Variants in OSBPL1A observed in about 807,000 individuals in gnomAD.
OSBPL1A encodes oxysterol-binding protein-related protein 1.
A neutral mutation model predicts 137.1 loss-of-function variants in OSBPL1A; 80 were observed. The observed-to-expected ratio is 0.58, with a 90% CI of 0.49 to 0.70. The LOEUF (loss-of-function observed/expected upper bound fraction) is 0.70, where lower values mean the gene tolerates loss of function less well. Ranked by LOEUF, OSBPL1A falls within the 30% of genes least tolerant of loss-of-function variation. The probability of loss-of-function intolerance (pLI) is 0.00; values close to 1 mark genes in which losing one functional copy is unlikely to be tolerated. For missense variants in OSBPL1A, 970 were observed against 1,129.4 expected, an observed-to-expected ratio of 0.86 and a Z score of 2.02; for synonymous variants, 365 against 389.7, an observed-to-expected ratio of 0.94 and a Z score of 0.75.
chr18:24,234,356 C>T (rs116310352), intron 16 of OSBPL1A, among the ~76,000 whole-genome samples: 44 of 152,238 alleles, frequency 2.9e-4, no homozygotes, highest in African/African-American at 9.4e-4. Context: ...CACCCACACA[C>T]GCAATGAGGA....
rs571205983 is a variant in OSBPL1A, at chr18:24,383,550, G to C, written c.-2-6015C>G. 4.6e-5 allele frequency among the ~76,000 whole-genome samples: 7 copies of C among 152,332 alleles called. No homozygotes were observed. The East Asian group carries it at 1.2e-3, about 25-fold the overall frequency. On this transcript the variant is annotated intron_variant, in intron 1 of 27. Transcript: ENST00000319481. ...ACACAGGCGGATCACAAGGTCAAAA[G>C]ATCAACTTGATCCTGCCCAACATGG...
At chr18:24,194,862 G>A (rs2086981112) in intron 18 of OSBPL1A, among the ~76,000 whole-genome samples, 1 of 152,118 alleles carries the variant, frequency 6.6e-6, no homozygotes, top group Admixed American at 6.5e-5. Context: ...CACATTATCA[G>A]GCTCCGAAAT....
intron 18 of OSBPL1A, among the ~76,000 whole-genome samples, chr18:24,182,284 A>G (rs975212523): frequency 2.9e-4 from 44 of 152,222 alleles, no homozygotes; most frequent in African/African-American, 1.0e-3. Context: ...CAACTGTTCA[A>G]TTCTGTTTAC....
chr18:24,280,547 T>G (rs990437484), intron 15 of OSBPL1A, among the ~76,000 whole-genome samples: 9 of 152,248 alleles, frequency 5.9e-5, no homozygotes, highest in African/African-American at 2.2e-4. Context: ...CTTCTGTTTC[T>G]AGAATATTTT....
intron 7 of OSBPL1A, among the ~76,000 whole-genome samples, chr18:24,322,200 C>A (rs1298810990): frequency 6.6e-6 from 1 of 150,616 alleles, no homozygotes; most frequent in Non-Finnish European, 1.5e-5. Context: ...AGCTCTGCCT[C>A]CCGGGTTCAT....
At chr18:24,358,234 G>A (rs2091568265) in intron 4 of OSBPL1A, 1 of 503,204 alleles carries the variant, frequency 2.0e-6, no homozygotes. Context: ...GACCTCCAGG[G>A]ATGAGGGTTT....
intron 22 of OSBPL1A, 128 bp downstream of exon 22, chr18:24,172,248 G>A: frequency 1.4e-6 from 1 of 717,890 alleles, no homozygotes; most frequent in Non-Finnish European, 2.3e-6. Flanking sequence ...TATATTGCAT[G>A]ATTCTTAAAT....
intron 15 of OSBPL1A, among the ~76,000 whole-genome samples, chr18:24,266,871 C>G (rs1339792003): frequency 6.6e-6 from 1 of 151,792 alleles, no homozygotes; most frequent in Non-Finnish European, 1.5e-5. Context: ...TTTGAATTAT[C>G]CAGGTTCAAA....
chr18:24,233,143 C>T (rs2088334182), intron 16 of OSBPL1A, among the ~76,000 whole-genome samples: 1 of 152,148 alleles, frequency 6.6e-6, no homozygotes, highest in Non-Finnish European at 1.5e-5. Context: ...TGCTCTCAGA[C>T]TAGTTACTAA....
chr18:24,244,096 CT>C (rs923389590), intron 15 of OSBPL1A, among the ~76,000 whole-genome samples: 1 of 152,164 alleles, frequency 6.6e-6, no homozygotes, highest in Non-Finnish European at 1.5e-5. Flanking sequence ...CAAAGTGCAA[CT>C]TCATAAAATA....
At chr18:24,272,079 A>G (rs149666213) in intron 15 of OSBPL1A, 5 of 982,068 alleles carry the variant, frequency 5.1e-6, no homozygotes, top group Non-Finnish European at 6.0e-6. Flanking sequence ...TGGCGGGCGG[A>G]GGCGCAGGTA....
intron 18 of OSBPL1A, among the ~76,000 whole-genome samples, chr18:24,184,403 A>C (rs1281501674): frequency 6.6e-6 from 1 of 152,174 alleles, no homozygotes; most frequent in Admixed American, 6.5e-5. Context: ...TGTGCCAGGT[A>C]CTGCAGTAAA....
At chr18:24,307,400 C>T (rs1467570386) in intron 13 of OSBPL1A, among the ~76,000 whole-genome samples, 2 of 152,214 alleles carry the variant, frequency 1.3e-5, no homozygotes, top group African/African-American at 4.8e-5. Flanking sequence ...CTTAGGGTTT[C>T]ACTTTGCAAT....
rs1275280778 is a variant in OSBPL1A at position 24,162,874 on chromosome 18, T to A, written c.*305A>T. Reference sequence around the variant, plus strand: ...ATAAAGCTAAAGTTACATTTAGGTATAAACCTTCAGTAAATATGGCAACAG... The same window carrying A: ...ATAAAGCTAAAGTTACATTTAGGTAAAAACCTTCAGTAAATATGGCAACAG... On this transcript the variant is annotated 3_prime_UTR_variant, in exon 28 of 28. Coordinates refer to ENST00000319481, the MANE Select transcript of OSBPL1A (RefSeq NM_080597.4). 1.4e-5 allele frequency: 3 copies of A among 220,984 alleles called. No homozygotes were observed. Among genetic ancestry groups the A allele is most frequent in the African/African-American group, 7.1e-5 (3 of 42,390 alleles). The allele number at this position is 220,984 out of a possible 1,614,324, so 13.7% of individuals were successfully genotyped here. A position where few individuals can be genotyped will look rare whatever the true frequency, so the allele number is the denominator to read the frequency against.
chr18:24,313,017 G>A lies in OSBPL1A; in HGVS notation c.970-911C>T, dbSNP rs1035869308. On this transcript the variant is annotated intron_variant, in intron 12 of 27. Transcript: ENST00000319481. ...TACATGCCTGTAATCCCAGCTACTCGGGAGGCTGAGGCAGGAGAATTGCTT... is the reference window on the plus strand; with the variant it reads ...TACATGCCTGTAATCCCAGCTACTCAGGAGGCTGAGGCAGGAGAATTGCTT... Among the ~76,000 whole-genome samples, 7 of 150,252 alleles carry A rather than the reference G, an allele frequency of 4.7e-5. No homozygotes were observed. The East Asian group carries it at 9.9e-4, about 21-fold the overall frequency.
chr18:24,331,427 C>T lies in OSBPL1A; in HGVS notation c.625+1515G>A, dbSNP rs1176263606. Among the ~76,000 whole-genome samples, 9 of 145,628 alleles carry T rather than the reference C, an allele frequency of 6.2e-5. No individual in the cohort carries two copies. In the South Asian group the frequency reaches 8.7e-4, roughly 14 times the overall value. On this transcript the variant is annotated intron_variant, in intron 7 of 27. Coordinates refer to ENST00000319481, the MANE Select transcript of OSBPL1A (RefSeq NM_080597.4). Reference sequence around the variant, plus strand: ...TTTTTTTTTTTTTGAGACAGAGTCTCGCTCTGTCGCCCAGGCTGGAGTGCA... The same window carrying T: ...TTTTTTTTTTTTTGAGACAGAGTCTTGCTCTGTCGCCCAGGCTGGAGTGCA...
chr18:24,372,451 A>AACTC (rs973063161), intron 2 of OSBPL1A, among the ~76,000 whole-genome samples: 2 of 152,056 alleles, frequency 1.3e-5, no homozygotes, highest in Admixed American at 6.5e-5. Flanking sequence ...CACAAAGCTG[A>AACTC]ACTCACCTGT....
In OSBPL1A at chr18:24,281,999, C is replaced by T. The variant is rs139092472; in HGVS notation, c.1175-1051G>A. Among the ~76,000 whole-genome samples the T allele has an allele frequency of 5.0e-3, 758 of 152,168 alleles. 8 individuals carry two copies. Among genetic ancestry groups the T allele is most frequent in the African/African-American group, 0.017 (726 of 41,512 alleles). The stretch of plus-strand genomic sequence containing the variant: ...CTGTGTATATGAGGGATTTAGGTTG[C>T]GGGCTCCTTATGAGAATCTAATGCC... On this transcript the variant is annotated intron_variant, in intron 14 of 27. Transcript: ENST00000319481.
Position 24,199,524 on chromosome 18 carries a change from A to G in OSBPL1A, c.1602-3324T>C, listed in dbSNP as rs550859686. Reference sequence around the variant, plus strand: ...CCAAACAGTATGTAAACTCCATGAGAACTCATATTCTGTCTACTGCTGTGG... The same window carrying G: ...CCAAACAGTATGTAAACTCCATGAGGACTCATATTCTGTCTACTGCTGTGG... On this transcript the variant is annotated intron_variant, in intron 17 of 27. Coordinates refer to ENST00000319481, the MANE Select transcript of OSBPL1A (RefSeq NM_080597.4). Among the ~76,000 whole-genome samples the G allele has an allele frequency of 5.5e-4, 84 of 152,244 alleles. 1 individual carries two copies. In the South Asian group the frequency reaches 0.015, roughly 28 times the overall value.
Sources: allele counts gnomAD v4.1 joint callset (sites outside exome capture counted in the v4.1 genomes callset), GRCh38; gene constraint gnomAD v4.1.1; transcripts MANE v1.5; gene names NCBI Gene and HGNC (gene_info 2026-07-23, HGNC 2026-07-21).